The following SYNRG variants were observed in gnomAD, a reference collection of about 807,000 sequenced individuals.
SYNRG encodes the protein AP1 gamma subunit binding protein 1.
SYNRG carries 37 observed loss-of-function variants against 130.9 expected under a neutral mutation model. The observed-to-expected ratio is 0.28, with a 90% CI of 0.22 to 0.37. The LOEUF (loss-of-function observed/expected upper bound fraction) is 0.37. Ranked by LOEUF, SYNRG falls within the 10% of genes least tolerant of loss-of-function variation. The pLI, the probability that SYNRG is intolerant of heterozygous loss-of-function variation, is 1.00. For synonymous variants in SYNRG, 539 were observed against 568.1 expected (o/e 0.95, Z 0.73); for missense variants, 1,338 against 1,588.9 (o/e 0.84, Z 2.68).
At chr17:37,570,394 T>A (rs980541790) in intron 10 of SYNRG, among the ~76,000 whole-genome samples, 3 of 152,150 alleles carry the variant, frequency 2.0e-5, no homozygotes, top group Non-Finnish European at 4.4e-5. Context: ...AGTGTATTAG[T>A]CACTTTTACC....
intron 16 of SYNRG, 123 bp downstream of exon 16, chr17:37,540,257 G>T: frequency 8.5e-7 from 1 of 1,179,174 alleles, no homozygotes; most frequent in Non-Finnish European, 1.2e-6. Context: ...CATAGTTTAT[G>T]TCTGGTGCTT....
Position 37,597,748 on chromosome 17 carries a change from C to T in SYNRG, c.119-1404G>A, listed in dbSNP as rs2062905232. 2.0e-5 allele frequency among the ~76,000 whole-genome samples: 3 copies of T among 152,254 alleles called. No homozygotes were observed. In the South Asian group the frequency reaches 6.2e-4, roughly 32 times the overall value. Reference sequence around the variant, plus strand: ...TTGGGATTTTAATAAATACTAAATGCTTATTATATGCTAGGCATAGTTCTA... The same window carrying T: ...TTGGGATTTTAATAAATACTAAATGTTTATTATATGCTAGGCATAGTTCTA... On this transcript the variant is annotated intron_variant, in intron 2 of 21. Transcript: ENST00000612223.
At chr17:37,564,355 C>G (rs926463038) in intron 11 of SYNRG, among the ~76,000 whole-genome samples, 1 of 152,182 alleles carries the variant, frequency 6.6e-6, no homozygotes, top group Non-Finnish European at 1.5e-5. Flanking sequence ...GCCAATTTCT[C>G]AGATATAAAC....
intron 6 of SYNRG, among the ~76,000 whole-genome samples, chr17:37,583,574 T>C (rs1301145669): frequency 6.6e-6 from 1 of 152,226 alleles, no homozygotes; most frequent in Non-Finnish European, 1.5e-5. Flanking sequence ...AATTTATCAA[T>C]GCAACATTTT....
At chr17:37,547,464 T>C (rs2058370277) in intron 14 of SYNRG, among the ~76,000 whole-genome samples, 1 of 123,780 alleles carries the variant, frequency 8.1e-6, no homozygotes, top group South Asian at 2.3e-4. Flanking sequence ...CATTTGCTGC[T>C]TTTTTTTTTT....
Position 37,538,377 on chromosome 17 carries a change from C to A in SYNRG, c.3464G>T (p.Ser1155Ile). 1 of 1,611,938 alleles carries A rather than the reference C, an allele frequency of 6.2e-7. No homozygotes were observed. Among genetic ancestry groups the A allele is most frequent in the Non-Finnish European group, 8.5e-7 (1 of 1,179,450 alleles). Residue 1155 changes from serine to isoleucine, a missense_variant, in exon 18 of 22, where the codon AGT (serine) becomes ATT (isoleucine). Ser to Ile is a moderately radical substitution (Grantham distance 142, BLOSUM62 -2). Around this residue, in one of 3 missense-constraint regions of SYNRG, gnomAD observed 1,146 missense variants for 1,342.3 expected, o/e 0.85. Transcript: ENST00000612223. The part of the protein sequence containing the change: ...ANDTLNGISS[S>I]SVCTEVIQSA... ...CTGAATTACTTCTGTGCAAACAGAACTACTACTGATTCCATTTAAGGTATC... is the reference window on the plus strand; with the variant it reads ...CTGAATTACTTCTGTGCAAACAGAAATACTACTGATTCCATTTAAGGTATC...
intron 18 of SYNRG, 64 bp downstream of exon 18, chr17:37,538,260 A>C: frequency 8.0e-7 from 1 of 1,245,284 alleles, no homozygotes; most frequent in Non-Finnish European, 1.1e-6. Context: ...AAAATAATTA[A>C]AGGGAAAACT....
intron 14 of SYNRG, among the ~76,000 whole-genome samples, chr17:37,551,013 A>G (rs1027082771): frequency 6.6e-6 from 1 of 152,226 alleles, no homozygotes; most frequent in Non-Finnish European, 1.5e-5. Context: ...TCTACCTTCC[A>G]TACAAATGAT....
At chr17:37,521,334 T>C (rs990300014) in intron 19 of SYNRG, among the ~76,000 whole-genome samples, 16 of 152,164 alleles carry the variant, frequency 1.1e-4, no homozygotes, top group African/African-American at 3.6e-4. Context: ...CTGGCCTGCT[T>C]CCTAGATTCT....
At chr17:37,563,374 A>G (rs904982415) in intron 11 of SYNRG, among the ~76,000 whole-genome samples, 2 of 152,228 alleles carry the variant, frequency 1.3e-5, no homozygotes, top group Admixed American at 6.5e-5. Context: ...TAGTGAATCT[A>G]TTAGTGTTTT....
At chr17:37,598,033 G>C (rs1330059463) in intron 2 of SYNRG, among the ~76,000 whole-genome samples, 2 of 152,164 alleles carry the variant, frequency 1.3e-5, no homozygotes, top group African/African-American at 4.8e-5. Flanking sequence ...ACAGTTATTA[G>C]AGGTAGGCCA....
At chr17:37,541,092 C>T (rs561130073) in intron 15 of SYNRG, 3 of 985,682 alleles carry the variant, frequency 3.0e-6, no homozygotes, top group African/African-American at 3.5e-5. Flanking sequence ...TGATCTATCA[C>T]AAGTCTTCCA....
intron 3 of SYNRG, 50 bp downstream of exon 3, chr17:37,596,173 C>A (rs775223157): frequency 6.3e-7 from 1 of 1,595,830 alleles, no homozygotes; most frequent in East Asian, 2.2e-5. Flanking sequence ...GATATATAAA[C>A]GTAACAACAA....
chr17:37,536,184 G>C (rs2057175869), intron 18 of SYNRG, 57 bp from the exon 19 acceptor site: 4 of 1,537,434 alleles, frequency 2.6e-6, no homozygotes, highest in Non-Finnish European at 3.5e-6. Flanking sequence ...AGAGGACCCA[G>C]ACAGGGGAGC....
chr17:37,520,348 G>A (rs949444580), intron 20 of SYNRG, 134 bp from the exon 21 acceptor site: 22 of 1,232,414 alleles, frequency 1.8e-5, no homozygotes, highest in Non-Finnish European at 2.4e-5. Context: ...CATGAGAGCC[G>A]CGTCCATTCC....
At chr17:37,566,115 C>CCA (rs1219614454) in intron 11 of SYNRG, among the ~76,000 whole-genome samples, 1 of 152,200 alleles carries the variant, frequency 6.6e-6, no homozygotes, top group Non-Finnish European at 1.5e-5. Context: ...TGCCCGGCCA[C>CCA]CACCCTGTCT....
Position 37,589,137 on chromosome 17 carries a change from T to C in SYNRG, c.241-2588A>G, listed in dbSNP as rs756585186. Among the ~76,000 whole-genome samples the C allele has an allele frequency of 1.6e-4, 24 of 152,254 alleles. 1 individual carries two copies. Among genetic ancestry groups the C allele is most frequent in the Non-Finnish European group, 5.9e-5 (4 of 68,048 alleles). On this transcript the variant is annotated intron_variant, in intron 3 of 21. Coordinates refer to ENST00000612223, the MANE Select transcript of SYNRG (RefSeq NM_007247.6). ...TAAGATTTCAATAAGTTGAGAAGTA[T>C]AGTATGACAGTTAAGACTAAAAGAG...
intron 1 of SYNRG, among the ~76,000 whole-genome samples, chr17:37,602,858 T>C (rs898274784): frequency 9.2e-5 from 14 of 152,040 alleles, no homozygotes; most frequent in African/African-American, 3.4e-4. Context: ...ACCCCATCTT[T>C]ACTAAAAATA....
At chr17:37,560,986 A>T (rs1332938163) in intron 13 of SYNRG, among the ~76,000 whole-genome samples, 1 of 152,184 alleles carries the variant, frequency 6.6e-6, no homozygotes, top group Non-Finnish European at 1.5e-5. Flanking sequence ...GCTATTATTA[A>T]GGTTTTTTGA....
Sources: gnomAD v4.1 joint callset for allele counts (sites outside exome capture counted in the v4.1 genomes callset) on GRCh38, gnomAD v4.1.1 for gene constraint, gnomAD v4.1.1 regional missense constraint, MANE v1.5 for transcripts, NCBI Gene and HGNC (gene_info 2026-07-23, HGNC 2026-07-21) for gene names.